F8: variants seen among roughly 807,000 people sequenced by gnomAD.
F8 encodes antihemophilic factor.
Under a neutral mutation model 140.6 loss-of-function variants are expected in F8, and 12 were observed. That is an observed-to-expected ratio of 0.09 (90% CI 0.05 to 0.14). The LOEUF is 0.14. F8 is among the 10% of genes least tolerant of loss of function. F8 has a pLI of 1.00. For missense variants in F8, 1,354 were observed against 1,720.7 expected, an observed-to-expected ratio of 0.79 and a Z score of 3.77; for synonymous variants, 585 against 614.6, an observed-to-expected ratio of 0.95 and a Z score of 0.71.
chrX:154,876,305 G>C (rs1233093486), intron 22 of F8, among the ~76,000 whole-genome samples: 3 of 109,482 alleles, frequency 2.7e-5, no homozygotes, highest in African/African-American at 1.0e-4. Context: ...ATTTTTAGTA[G>C]AGACGGTGTT....
At chrX:154,979,011 T>C (rs2073502584) in intron 6 of F8, among the ~76,000 whole-genome samples, 1 of 111,340 alleles carries the variant, frequency 9.0e-6, no homozygotes, top group Admixed American at 9.5e-5. Context: ...TGGTGTACCA[T>C]GGTGGCATAT....
At chrX:154,919,541 A>G in intron 14 of F8, 2 of 637,904 alleles carry the variant, frequency 3.1e-6, no homozygotes, top group South Asian at 4.3e-5. Context: ...TGGGCAGCAG[A>G]CAATCACTCA....
chrX:154,968,261 G>T (rs1557282215), intron 7 of F8, among the ~76,000 whole-genome samples: 3 of 111,276 alleles, frequency 2.7e-5, no homozygotes, highest in Admixed American at 9.5e-5. Flanking sequence ...GTTATCACAG[G>T]AGTGAGCTCA....
chrX:154,864,798 C>T (rs186260027), intron 22 of F8, among the ~76,000 whole-genome samples: 60 of 108,557 alleles, frequency 5.5e-4, no homozygotes, highest in South Asian at 7.9e-4. Flanking sequence ...ATCTAGTTAG[C>T]GGAATAAAAA....
At chrX:154,848,136 T>G (rs1161296577) in intron 25 of F8, among the ~76,000 whole-genome samples, 1 of 112,604 alleles carries the variant, frequency 8.9e-6, no homozygotes, top group Non-Finnish European at 1.9e-5. Context: ...TGCCTGATCG[T>G]TCCTCTGGAA....
intron 22 of F8, among the ~76,000 whole-genome samples, chrX:154,868,388 A>G (rs2072747306): frequency 8.9e-6 from 1 of 112,155 alleles, no homozygotes; most frequent in Non-Finnish European, 1.9e-5. Context: ...TTTCCTGAGG[A>G]AAGAACATGG....
At chrX:154,943,036 C>T (rs1305332348) in intron 13 of F8, among the ~76,000 whole-genome samples, 1 of 111,409 alleles carries the variant, frequency 9.0e-6, no homozygotes, top group African/African-American at 3.3e-5. Flanking sequence ...TAAGAGCTAT[C>T]TATGGCAAAC....
chrX:154,888,408 C>CTTTTTTTTTTTTTTTTTTTTTTTTTTT (rs1557274896), intron 22 of F8, among the ~76,000 whole-genome samples: 1 of 53,367 alleles, frequency 1.9e-5, no homozygotes, highest in African/African-American at 8.9e-5. Flanking sequence ...TTTTTTTTTC[C>CTTTTTTTTTTTTTTTTTTTTTTTTTTT]CCCCGAGATG....
chrX:154,902,432 A>G (rs781787349), intron 18 of F8, among the ~76,000 whole-genome samples: 1 of 111,749 alleles, frequency 8.9e-6, no homozygotes, highest in African/African-American at 3.3e-5. Context: ...ATGCTACTGC[A>G]TTATGATTGA....
At chrX:154,946,973 C>A (rs1365517153) in intron 13 of F8, among the ~76,000 whole-genome samples, 1 of 111,210 alleles carries the variant, frequency 9.0e-6, no homozygotes, top group Non-Finnish European at 1.9e-5. Flanking sequence ...CGCCTGTAAT[C>A]CCAGCACTTT....
chrX:154,875,782 G>C (rs1268831649), intron 22 of F8, among the ~76,000 whole-genome samples: 1 of 109,473 alleles, frequency 9.1e-6, no homozygotes, highest in Non-Finnish European at 1.9e-5. Flanking sequence ...TGTAGAGAGA[G>C]AGAGAGTCTA....
At chrX:154,857,512 A>T (rs2072659016) in intron 25 of F8, among the ~76,000 whole-genome samples, 2 of 111,720 alleles carry the variant, frequency 1.8e-5, no homozygotes, top group African/African-American at 6.5e-5. Flanking sequence ...GTTCTGCACG[A>T]TATGCAGGTA....
At position 154,929,177 on chromosome X, in the gene F8, T is replaced by A; in HGVS notation, c.4613A>T (p.Asp1538Val). The change falls in exon 14 of 26, where the codon GAT becomes GTT. Residue 1538 changes from aspartate to valine, a missense_variant. Asp to Val is a radical substitution (Grantham distance 152, BLOSUM62 -3). Coordinates refer to ENST00000360256, the MANE Select transcript of F8 (RefSeq NM_000132.4). ...CTGAAGAAGGCTCCCTTCCACGAGA[T>A]CCAGATGGCCAGGAGACCCATTGCT... Reference protein sequence around the residue: ...ETSNGSPGHLDLVEGSLLQGT... With the variant: ...ETSNGSPGHLVLVEGSLLQGT... The A allele has an allele frequency of 8.3e-7, 1 of 1,211,886 alleles. No homozygotes were observed. The highest frequency in any genetic ancestry group is 1.1e-6 in the Non-Finnish European group (1 of 895,462).
At chrX:154,947,150 G>A (rs370277388) in intron 13 of F8, among the ~76,000 whole-genome samples, 36 of 105,718 alleles carry the variant, frequency 3.4e-4, no homozygotes, top group African/African-American at 1.2e-3. Context: ...GCGTGAACCC[G>A]GGTGGCGGAG....
chrX:154,837,828 C>T (rs1162109510), intron 25 of F8, 76 bp from the exon 26 acceptor site: 1 of 1,029,392 alleles, frequency 9.7e-7, no homozygotes, highest in Non-Finnish European at 1.4e-6. Flanking sequence ...GCTTTTCTCA[C>T]TTCTAGTTGT....
chrX:155,015,714 T>C (rs2073730794), intron 1 of F8, among the ~76,000 whole-genome samples: 1 of 111,871 alleles, frequency 8.9e-6, no homozygotes, highest in African/African-American at 3.3e-5. Flanking sequence ...TTGGGTACTA[T>C]GTTCACTACT....
chrX:154,896,627 C>G (rs2072982893), intron 21 of F8, among the ~76,000 whole-genome samples: 1 of 110,986 alleles, frequency 9.0e-6, no homozygotes, highest in South Asian at 3.8e-4. Flanking sequence ...CAGCCTCAGA[C>G]CAAAGCCAAT....
At chrX:155,004,599 T>G (rs782722045) in intron 1 of F8, among the ~76,000 whole-genome samples, 1 of 112,375 alleles carries the variant, frequency 8.9e-6, no homozygotes, top group African/African-American at 3.2e-5. Context: ...ATGTTGTTAA[T>G]GTTCAACTTG....
intron 13 of F8, among the ~76,000 whole-genome samples, chrX:154,936,916 G>A (rs1042908687): frequency 9.0e-6 from 1 of 111,396 alleles, no homozygotes; most frequent in African/African-American, 3.3e-5. Flanking sequence ...CAGCAACAGA[G>A]AGAGAGCCAG....
Sources: gnomAD v4.1 joint callset for allele counts (sites outside exome capture counted in the v4.1 genomes callset) on GRCh38, gnomAD v4.1.1 for gene constraint, MANE v1.5 for transcripts, NCBI Gene and HGNC (gene_info 2026-07-23, HGNC 2026-07-21) for gene names.